PRKCH: variants seen among roughly 807,000 people sequenced by gnomAD.
PRKCH encodes the protein protein kinase C eta.
A neutral mutation model predicts 82.5 loss-of-function variants in PRKCH; 28 were observed. That is an observed-to-expected ratio of 0.34 (90% confidence interval 0.25 to 0.47). The LOEUF (loss-of-function observed/expected upper bound fraction) is 0.47. Ranked by LOEUF, PRKCH falls within the 20% of genes least tolerant of loss-of-function variation. PRKCH has a pLI of 1.00. For synonymous variants in PRKCH, 322 were observed against 327.4 expected (o/e 0.98, Z 0.18); for missense variants, 705 against 881.8 (o/e 0.80, Z 2.54).
At chr14:61,195,570 G>A (rs771000341) in intron 1 of PRKCH, among the ~76,000 whole-genome samples, 2 of 152,210 alleles carry the variant, frequency 1.3e-5, no homozygotes, top group Admixed American at 1.3e-4. Context: ...AATGTGATAA[G>A]AATTATGCAT....
At chr14:61,397,089 G>A (rs1689473343) in intron 2 of PRKCH, among the ~76,000 whole-genome samples, 1 of 152,184 alleles carries the variant, frequency 6.6e-6, no homozygotes, top group African/African-American at 2.4e-5. Flanking sequence ...CCATTATAGA[G>A]ACTTGGAAGG....
chr14:61,499,852 G>A (rs1447922644), intron 10 of PRKCH, among the ~76,000 whole-genome samples: 1 of 148,436 alleles, frequency 6.7e-6, no homozygotes, highest in Admixed American at 6.8e-5. Context: ...AGTAGCTTCA[G>A]TTCACTGGTT....
intron 2 of PRKCH, among the ~76,000 whole-genome samples, chr14:61,396,766 G>T (rs1231090681): frequency 6.6e-6 from 1 of 152,196 alleles, no homozygotes; most frequent in Non-Finnish European, 1.5e-5. Flanking sequence ...AAAGGTAGGG[G>T]GTGTGGAGGT....
At chr14:61,382,276 A>C (rs1450318841) in intron 1 of PRKCH, among the ~76,000 whole-genome samples, 2 of 152,156 alleles carry the variant, frequency 1.3e-5, no homozygotes, top group African/African-American at 4.8e-5. Flanking sequence ...CAAAAAATAC[A>C]AAAATTAGCT....
intron 10 of PRKCH, among the ~76,000 whole-genome samples, chr14:61,519,574 T>C (rs1304353130): frequency 6.6e-6 from 1 of 152,186 alleles, no homozygotes; most frequent in Non-Finnish European, 1.5e-5. Context: ...ACTTTCTTCA[T>C]TATAAAATGA....
intron 1 of PRKCH, among the ~76,000 whole-genome samples, chr14:61,364,063 A>G (rs1012257751): frequency 6.8e-6 from 1 of 148,026 alleles, no homozygotes; most frequent in Non-Finnish European, 1.5e-5. Context: ...TTGTGTGTAT[A>G]TATATAAATA....
chr14:61,366,452 A>G lies in PRKCH; in HGVS notation c.364-24773A>G, dbSNP rs145806274. 1.0e-3 allele frequency among the ~76,000 whole-genome samples: 157 copies of G among 152,216 alleles called. 1 individual carries two copies. The highest frequency in any genetic ancestry group is 3.6e-3 in the African/African-American group (150 of 41,442). On this transcript the variant is annotated intron_variant, in intron 1 of 13. Coordinates refer to ENST00000332981, the MANE Select transcript of PRKCH (RefSeq NM_006255.5). The stretch of plus-strand genomic sequence containing the variant: ...ATGATTGATAAGGAAGTAAAACTAG[A>G]AAGAAGCCAGATCCAAACTTAGAAG...
Position 61,280,698 on chromosome 14 carries a change from G to T in PRKCH, c.-19+93030G>T. The T allele has an allele frequency of 6.3e-7, 1 of 1,578,658 alleles. No individual in the cohort carries two copies. The highest frequency in any genetic ancestry group is 8.6e-7 in the Non-Finnish European group (1 of 1,165,278). On this transcript the variant is annotated intron_variant, in intron 1 of 3. Coordinates refer to the PRKCH transcript ENST00000555185. The surrounding 1 kb of genome is among the most constrained non-coding windows in gnomAD (Gnocchi z 5.0). ...TGGGCAGGCCGGCCGCGCTGCGCTGGTAGGGGGCGCACTCGTTGACAGGGT... is the reference window on the plus strand; with the variant it reads ...TGGGCAGGCCGGCCGCGCTGCGCTGTTAGGGGGCGCACTCGTTGACAGGGT...
rs575103382 is a variant in PRKCH, at chr14:61,443,205, C to A, written c.522C>A (p.Phe174Leu). 15 of 1,614,154 alleles carry A rather than the reference C, an allele frequency of 9.3e-6. No homozygotes were observed. The East Asian group carries it at 3.3e-4, about 36-fold the overall frequency. ...RRVHQINGHK[F>L]MATYLRQPTY... ...TCCACCAGATCAATGGACACAAGTT[C>A]ATGGCCACGTATCTGAGGCAGCCCA... is the stretch of plus-strand genomic sequence containing the variant. Residue 174 changes from phenylalanine (F) to leucine (L), a missense_variant, in exon 3 of 14, where the codon TTC becomes TTA. Physicochemically the swap from Phe to Leu is conservative, Grantham distance 22. Around this residue, in one of 5 missense-constraint regions of PRKCH, gnomAD observed 246 missense variants for 308.0 expected, o/e 0.80. Coordinates refer to ENST00000332981, the MANE Select transcript of PRKCH (RefSeq NM_006255.5).
Position 61,516,773 on chromosome 14 carries a change from TA to T in PRKCH, c.1434-12301del, listed in dbSNP as rs111354620. On this transcript the variant is annotated intron_variant, in intron 10 of 13. Transcript: ENST00000332981. ...ACTGTGTGTGTTGCCGTCTTGTGTC[TA>T]GCCCGTGATTGACATTCTAGAGATA... Among the ~76,000 whole-genome samples, 759 of 152,310 alleles carry T rather than the reference TA, an allele frequency of 5.0e-3. 14 individuals carry two copies. Among genetic ancestry groups the T allele is most frequent in the African/African-American group, 0.018 (728 of 41,530 alleles).
At chr14:61,287,918 C>T (rs748806056) in intron 1 of PRKCH, among the ~76,000 whole-genome samples, 8 of 152,156 alleles carry the variant, frequency 5.3e-5, no homozygotes, top group Non-Finnish European at 8.8e-5. Flanking sequence ...TTCACCTCAG[C>T]GACCTCAGAC....
intron 1 of PRKCH, among the ~76,000 whole-genome samples, chr14:61,329,494 C>T (rs1444726416): frequency 2.0e-5 from 3 of 152,070 alleles, no homozygotes; most frequent in Admixed American, 6.5e-5. Flanking sequence ...CCTTAGCCTC[C>T]CAAAGTGCTG....
intron 1 of PRKCH, among the ~76,000 whole-genome samples, chr14:61,326,009 A>T (rs565756784): frequency 3.3e-5 from 5 of 152,254 alleles, no homozygotes; most frequent in African/African-American, 4.8e-5. Flanking sequence ...TGCTATGGTG[A>T]GGAATGTAAA....
At chr14:61,193,788 C>T (rs955929151) in intron 1 of PRKCH, among the ~76,000 whole-genome samples, 3 of 152,168 alleles carry the variant, frequency 2.0e-5, no homozygotes, top group African/African-American at 7.2e-5. Context: ...TCAGAGAATC[C>T]ATATTCAGGG....
At chr14:61,357,898 C>T (rs1390029555) in intron 1 of PRKCH, among the ~76,000 whole-genome samples, 1 of 152,130 alleles carries the variant, frequency 6.6e-6, no homozygotes, top group South Asian at 2.1e-4. Context: ...TAGGTTTTCA[C>T]TCTCTGTGTG....
At chr14:61,407,597 G>A (rs1426774467) in intron 2 of PRKCH, among the ~76,000 whole-genome samples, 1 of 152,086 alleles carries the variant, frequency 6.6e-6, no homozygotes, top group Non-Finnish European at 1.5e-5. Flanking sequence ...CAGCTTCAGG[G>A]CCCTGCTCAA....
At chr14:61,324,913 TA>T (rs540807535) in intron 1 of PRKCH, among the ~76,000 whole-genome samples, 102 of 151,806 alleles carry the variant, frequency 6.7e-4, no homozygotes, top group Non-Finnish European at 1.0e-3. Context: ...ATTACTGACT[TA>T]AAAAAAAACT....
intron 10 of PRKCH, among the ~76,000 whole-genome samples, chr14:61,512,870 A>T (rs1464496808): frequency 6.6e-6 from 1 of 152,070 alleles, no homozygotes; most frequent in Non-Finnish European, 1.5e-5. Context: ...TCTGTCCCCC[A>T]GGCTGGAGTG....
In PRKCH at chr14:61,241,712, G is replaced by A. The variant is rs1017959708; in HGVS notation, c.-19+54044G>A. On this transcript the variant is annotated intron_variant, in intron 1 of 3. Coordinates refer to the PRKCH transcript ENST00000555185. ...TCACTTTGGCAAGTGTGGAATAGTG[G>A]TTCAGAGTCTAGGTTTTGGACTCAG... 2.6e-5 allele frequency among the ~76,000 whole-genome samples: 4 copies of A among 152,304 alleles called. No individual in the cohort carries two copies. In the East Asian group the frequency reaches 7.7e-4, roughly 29 times the overall value.
Sources: gnomAD v4.1 joint callset for allele counts (sites outside exome capture counted in the v4.1 genomes callset) on GRCh38, gnomAD v4.1.1 for gene constraint, gnomAD v4.1.1 regional missense constraint, Gnocchi (gnomAD v3.1) non-coding constraint, MANE v1.5 for transcripts, NCBI Gene and HGNC (gene_info 2026-07-23, HGNC 2026-07-21) for gene names.